KCNN2: variants seen among roughly 807,000 people sequenced by gnomAD.
KCNN2 encodes the protein small conductance calcium-activated potassium channel protein 2.
KCNN2 carries 24 observed loss-of-function variants against 55.5 expected under a neutral mutation model. The ratio of observed to expected loss-of-function variants is 0.43; its 90% CI spans 0.31 to 0.61. KCNN2 has a LOEUF of 0.61. Ranked by LOEUF, KCNN2 falls within the 20% of genes least tolerant of loss-of-function variation. The pLI is 0.08. For missense variants in KCNN2, 754 were observed against 853.6 expected (o/e 0.88, Z 1.45); for synonymous variants, 431 against 336.1 (o/e 1.28, Z -3.09).
At chr5:114,158,347 G>T (rs1752686970) in intron 1 of KCNN2, among the ~76,000 whole-genome samples, 1 of 152,112 alleles carries the variant, frequency 6.6e-6, no homozygotes. Context: ...GCTCTGTTCT[G>T]TTCCATTGGT....
intron 1 of KCNN2, among the ~76,000 whole-genome samples, chr5:114,187,802 G>A (rs1431274671): frequency 2.0e-5 from 3 of 150,432 alleles, no homozygotes; most frequent in Non-Finnish European, 4.4e-5. Flanking sequence ...CACCATGCCC[G>A]GCCCCCTTTT....
chr5:114,373,939 G>A (rs1210686683), intron 2 of KCNN2, among the ~76,000 whole-genome samples: 2 of 151,734 alleles, frequency 1.3e-5, no homozygotes, highest in African/African-American at 4.8e-5. Flanking sequence ...AGCATTTGCT[G>A]TCTATTAAGG....
intron 3 of KCNN2, among the ~76,000 whole-genome samples, chr5:114,459,394 G>C (rs1761086978): frequency 6.6e-6 from 1 of 152,212 alleles, no homozygotes; most frequent in South Asian, 2.1e-4. Context: ...GGTTGGAATT[G>C]TCTAAGTATG....
At chr5:114,183,340 T>G (rs1379672549) in intron 1 of KCNN2, among the ~76,000 whole-genome samples, 4 of 152,090 alleles carry the variant, frequency 2.6e-5, no homozygotes, top group Non-Finnish European at 4.4e-5. Flanking sequence ...TTTGTCATTT[T>G]TTAATATTGG....
intron 3 of KCNN2, among the ~76,000 whole-genome samples, chr5:114,406,968 C>G (rs1758955692): frequency 6.6e-6 from 1 of 152,126 alleles, no homozygotes; most frequent in Admixed American, 6.5e-5. Context: ...CACTTTACTT[C>G]AGAATATTGA....
At chr5:114,333,954 G>C (rs1219473878) in intron 2 of KCNN2, among the ~76,000 whole-genome samples, 2 of 151,976 alleles carry the variant, frequency 1.3e-5, no homozygotes, top group Non-Finnish European at 2.9e-5. Flanking sequence ...CAGTCATTTA[G>C]GGTGGATAAC....
intron 2 of KCNN2, among the ~76,000 whole-genome samples, chr5:114,289,657 G>A (rs901904579): frequency 2.0e-5 from 3 of 152,116 alleles, no homozygotes; most frequent in African/African-American, 7.2e-5. Context: ...GATTGCAGGA[G>A]TAAGCCACCG....
chr5:114,371,908 T>A (rs1757769495), intron 2 of KCNN2, among the ~76,000 whole-genome samples: 1 of 152,162 alleles, frequency 6.6e-6, no homozygotes, highest in African/African-American at 2.4e-5. Context: ...TGCCGACTCT[T>A]ATTAGTCTAA....
At chr5:114,384,694 G>T (rs923901723) in intron 2 of KCNN2, among the ~76,000 whole-genome samples, 4 of 152,152 alleles carry the variant, frequency 2.6e-5, no homozygotes, top group Non-Finnish European at 5.9e-5. Context: ...CGACCAGTAG[G>T]TTTTTTCTCA....
intron 2 of KCNN2, among the ~76,000 whole-genome samples, chr5:114,315,421 CTGTGTGTGTGTGTGTG>C (rs34000645): frequency 1.4e-5 from 2 of 142,882 alleles, no homozygotes; most frequent in Non-Finnish European, 3.0e-5. Context: ...AAGGCAGAAA[CTGTGTGTGTGTGTGTG>C]TGTGTGTGTG....
At chr5:114,091,839 G>A (rs1458118332) in intron 1 of KCNN2, among the ~76,000 whole-genome samples, 4 of 152,110 alleles carry the variant, frequency 2.6e-5, no homozygotes, top group South Asian at 2.1e-4. Context: ...AACTGCTTCC[G>A]TGATTCACTT....
intron 3 of KCNN2, among the ~76,000 whole-genome samples, chr5:114,444,250 G>A (rs776499928): frequency 2.0e-5 from 3 of 152,136 alleles, no homozygotes; most frequent in Non-Finnish European, 4.4e-5. Flanking sequence ...CTTAGCACAA[G>A]TAGTGGTAAT....
intron 1 of KCNN2, among the ~76,000 whole-genome samples, chr5:114,147,177 C>T (rs947492907): frequency 7.9e-5 from 12 of 152,102 alleles, no homozygotes; most frequent in African/African-American, 2.9e-4. Flanking sequence ...AATGGTAACA[C>T]CTGCCTCTAG....
intron 3 of KCNN2, among the ~76,000 whole-genome samples, chr5:114,436,796 C>G (rs1760019415): frequency 6.6e-6 from 1 of 152,194 alleles, no homozygotes; most frequent in Admixed American, 6.5e-5. Context: ...ACAGTGCTAT[C>G]CAATAGAACT....
intron 1 of KCNN2, among the ~76,000 whole-genome samples, chr5:114,078,330 A>T (rs1750727461): frequency 6.6e-6 from 1 of 152,228 alleles, no homozygotes; most frequent in South Asian, 2.1e-4. Flanking sequence ...AGGCTGTCTC[A>T]TTCTTGTCCT....
At chr5:114,081,349 G>GA (rs1439659199) in intron 1 of KCNN2, among the ~76,000 whole-genome samples, 1 of 151,778 alleles carries the variant, frequency 6.6e-6, no homozygotes, top group Non-Finnish European at 1.5e-5. Flanking sequence ...AATTGAAAAG[G>GA]AAAAAAATGG....
At chr5:114,361,001 C>G (rs1757402819), upstream of KCNN2, 1 of 152,670 alleles carries the variant, frequency 6.6e-6, no homozygotes, top group Admixed American at 6.5e-5. Context: ...GGCTGAGCAG[C>G]CCCCACACCT....
chr5:114,279,396 A>G (rs1178793250), intron 2 of KCNN2, among the ~76,000 whole-genome samples: 1 of 151,908 alleles, frequency 6.6e-6, no homozygotes, highest in African/African-American at 2.4e-5. Context: ...GGTGTGTTGC[A>G]TCTGTTAACT....
chr5:114,416,598 C>T (rs140395295), intron 3 of KCNN2, among the ~76,000 whole-genome samples: 1 of 152,228 alleles, frequency 6.6e-6, no homozygotes, highest in African/African-American at 2.4e-5. Flanking sequence ...ATTCTCAGTG[C>T]CACAGGAGCA....
Sources: gnomAD v4.1 joint callset for allele counts (sites outside exome capture counted in the v4.1 genomes callset) on GRCh38, gnomAD v4.1.1 for gene constraint, MANE v1.5 for transcripts, NCBI Gene and HGNC (gene_info 2026-07-23, HGNC 2026-07-21) for gene names.